The following DLG2 variants were observed in gnomAD, a reference collection of about 807,000 sequenced individuals.
DLG2 encodes discs large MAGUK scaffold protein 2.
In DLG2, 45 loss-of-function variants were observed where a neutral mutation model predicts 132.5. The observed-to-expected ratio is 0.34, with a 90% CI of 0.27 to 0.44. The LOEUF is 0.44. Among genes scored for constraint, DLG2 ranks in the 20% least tolerant of loss-of-function variants. The probability of loss-of-function intolerance (pLI) is 1.00; values close to 1 mark genes in which losing one functional copy is unlikely to be tolerated. For missense variants in DLG2, 1,045 were observed against 1,196.9 expected, an observed-to-expected ratio of 0.87 and a Z score of 1.87; for synonymous variants, 424 against 419.6, an observed-to-expected ratio of 1.01 and a Z score of -0.13.
intron 3 of DLG2, among the ~76,000 whole-genome samples, chr11:85,484,119 C>T (rs1043949693): frequency 6.6e-6 from 1 of 151,772 alleles, no homozygotes; most frequent in East Asian, 1.9e-4. Flanking sequence ...TACAAGAGGG[C>T]GTGAAACCGT....
At chr11:84,686,006 G>T (rs903684627) in intron 6 of DLG2, among the ~76,000 whole-genome samples, 10 of 152,128 alleles carry the variant, frequency 6.6e-5, no homozygotes, top group Non-Finnish European at 1.5e-4. Flanking sequence ...TATTCTTTAG[G>T]CCAGCAGCAG....
intron 6 of DLG2, among the ~76,000 whole-genome samples, chr11:85,033,030 AGTCTT>A (rs1475026311): frequency 1.3e-5 from 2 of 152,248 alleles, no homozygotes; most frequent in African/African-American, 4.8e-5. Context: ...AATCATACTC[AGTCTT>A]GCAAAATGCA....
In DLG2 at chr11:84,648,282, A is replaced by T. The variant is rs1292385031; in HGVS notation, c.358-113551T>A. ...GAAGAAGAAACAGGCTGGTTCTGAT[A>T]CCTTGATTACCAAAGGCTGATTTTA... On this transcript the variant is annotated intron_variant, in intron 6 of 27. Coordinates refer to ENST00000376104, the MANE Select transcript of DLG2 (RefSeq NM_001142699.3). 3.9e-5 allele frequency among the ~76,000 whole-genome samples: 6 copies of T among 152,206 alleles called. No homozygotes were observed. In the East Asian group the frequency reaches 1.2e-3, roughly 29 times the overall value.
intron 14 of DLG2, among the ~76,000 whole-genome samples, chr11:83,949,739 C>T (rs770223345): frequency 6.6e-6 from 1 of 152,098 alleles, no homozygotes; most frequent in Non-Finnish European, 1.5e-5. Context: ...CTAATATCTT[C>T]GTGTTTCCCC....
At position 84,201,815 on chromosome 11, in the gene DLG2, T is replaced by C. The variant is rs1299585687; in HGVS notation, c.574-38304A>G. ...GTTAGAAGAAACTATTTTCTTTTTT[T>C]TTTTTTTTTTTTTTTTTTTTTTGAG... On this transcript the variant is annotated intron_variant, in intron 8 of 27. Transcript: ENST00000376104. 1.3e-4 allele frequency among the ~76,000 whole-genome samples: 9 copies of C among 69,398 alleles called. No individual in the cohort carries two copies. The East Asian group carries it at 3.1e-3, about 24-fold the overall frequency. The allele number at this position is 69,398 out of a possible 152,430, so 45.5% of individuals were successfully genotyped here.
chr11:84,841,519 A>C (rs2080688060), intron 6 of DLG2, among the ~76,000 whole-genome samples: 1 of 152,014 alleles, frequency 6.6e-6, no homozygotes. Context: ...TAAATTTCTA[A>C]GTTTTTCATC....
chr11:84,780,339 A>G (rs1219554243), intron 6 of DLG2, among the ~76,000 whole-genome samples: 5 of 152,134 alleles, frequency 3.3e-5, no homozygotes, highest in Non-Finnish European at 4.4e-5. Context: ...TGACTTCATG[A>G]TAAAAAAATT....
intron 7 of DLG2, among the ~76,000 whole-genome samples, chr11:84,350,807 T>G (rs932238278): frequency 1.3e-5 from 2 of 152,328 alleles, no homozygotes; most frequent in East Asian, 3.9e-4. Context: ...ACAAATGGTA[T>G]TAATGGAATA....
chr11:84,778,412 C>T (rs1391426530), intron 6 of DLG2, among the ~76,000 whole-genome samples: 2 of 152,040 alleles, frequency 1.3e-5, no homozygotes, highest in East Asian at 3.9e-4. Flanking sequence ...GTTCTTCTTG[C>T]TTAAGACGTT....
At chr11:84,238,266 A>C (rs1236452305) in intron 8 of DLG2, among the ~76,000 whole-genome samples, 1 of 151,960 alleles carries the variant, frequency 6.6e-6, no homozygotes, top group East Asian at 1.9e-4. Context: ...TGTCATTCCA[A>C]TACTTTGAGA....
chr11:83,573,239 G>A (rs1324557817), intron 19 of DLG2, among the ~76,000 whole-genome samples: 1 of 152,136 alleles, frequency 6.6e-6, no homozygotes, highest in Non-Finnish European at 1.5e-5. Flanking sequence ...GATTACGAAA[G>A]AGCAATTCCA....
chr11:85,052,258 G>A (rs904926802), intron 6 of DLG2, among the ~76,000 whole-genome samples: 9 of 152,146 alleles, frequency 5.9e-5, no homozygotes, highest in Non-Finnish European at 7.4e-5. Flanking sequence ...AAACATCATC[G>A]TTGGGAGTTC....
intron 19 of DLG2, among the ~76,000 whole-genome samples, chr11:83,565,799 T>C (rs536584241): frequency 2.2e-4 from 33 of 152,228 alleles, no homozygotes; most frequent in Non-Finnish European, 1.8e-4. Context: ...AGGAGAACTA[T>C]TGAATGGTTC....
rs138480237 is a variant in DLG2 at position 84,085,077 on chromosome 11, T to C, written c.749+13846A>G. Among the ~76,000 whole-genome samples the C allele has an allele frequency of 6.6e-3, 1,003 of 152,352 alleles. 9 individuals are homozygous for C. Among genetic ancestry groups the C allele is most frequent in the African/African-American group, 0.023 (956 of 41,590 alleles). ...GACAGTAGCTCTAACATCTTTATGA[T>C]TTGGTCATTTAATTGTTAAGCTAAT... On this transcript the variant is annotated intron_variant, in intron 10 of 27. Transcript: ENST00000376104.
At chr11:84,865,972 T>G (rs1298333770) in intron 6 of DLG2, among the ~76,000 whole-genome samples, 1 of 152,230 alleles carries the variant, frequency 6.6e-6, no homozygotes, top group Non-Finnish European at 1.5e-5. Context: ...CTGCAGCAGC[T>G]GCCTGCCCAC....
Position 84,658,773 on chromosome 11 carries a change from T to A in DLG2, c.358-124042A>T, listed in dbSNP as rs576550773. Among the ~76,000 whole-genome samples, 115 of 152,292 alleles carry A rather than the reference T, an allele frequency of 7.6e-4. 2 individuals carry two copies. The highest frequency in any genetic ancestry group is 7.3e-3 in the Admixed American group (112 of 15,280). ...TTAAAAGCTTTCTAAGCCCTCACCA[T>A]AGGCCAGCACATGCTGGTGCCATGT... is the stretch of plus-strand genomic sequence containing the variant. On this transcript the variant is annotated intron_variant, in intron 6 of 27. Coordinates refer to ENST00000376104, the MANE Select transcript of DLG2 (RefSeq NM_001142699.3).
At chr11:83,622,566 A>G (rs1354179269) in intron 19 of DLG2, among the ~76,000 whole-genome samples, 2 of 151,962 alleles carry the variant, frequency 1.3e-5, no homozygotes, top group African/African-American at 4.8e-5. Flanking sequence ...TCCTTTTAAC[A>G]CTGCTTTTGT....
intron 14 of DLG2, 91 bp from the exon 15 acceptor site, chr11:83,930,574 TA>T: frequency 7.8e-7 from 1 of 1,284,914 alleles, no homozygotes. Flanking sequence ...TGTGCAAAAG[TA>T]AAAACAATGC....
chr11:84,643,655 C>T (rs2099670909), intron 6 of DLG2, among the ~76,000 whole-genome samples: 1 of 152,156 alleles, frequency 6.6e-6, no homozygotes. Context: ...ATTTAGACCA[C>T]TAATTGCTTT....
Sources: allele counts gnomAD v4.1 joint callset (sites outside exome capture counted in the v4.1 genomes callset), GRCh38; gene constraint gnomAD v4.1.1; transcripts MANE v1.5; gene names NCBI Gene and HGNC (gene_info 2026-07-23, HGNC 2026-07-21).